Variants in CNTN5 observed in about 807,000 individuals in gnomAD.
CNTN5 encodes contactin 5.
Under a neutral mutation model 129.1 loss-of-function variants are expected in CNTN5, and 77 were observed. That is an observed-to-expected ratio of 0.60 (90% confidence interval 0.50 to 0.72). The LOEUF (loss-of-function observed/expected upper bound fraction) is 0.72, where lower values mean the gene tolerates loss of function less well. Among genes scored for constraint, CNTN5 ranks in the 30% least tolerant of loss-of-function variants. The pLI is 0.00. For synonymous variants in CNTN5, 509 were observed against 465.6 expected, an observed-to-expected ratio of 1.09 and a Z score of -1.20; for missense variants, 1,478 against 1,328.8, an observed-to-expected ratio of 1.11 and a Z score of -1.75.
chr11:99,925,824 G>A (rs1261403871), intron 7 of CNTN5, among the ~76,000 whole-genome samples: 3 of 151,916 alleles, frequency 2.0e-5, no homozygotes, highest in Admixed American at 1.3e-4. Context: ...TAAGATATAA[G>A]TAAACAAATC....
chr11:99,053,256 A>G (rs1315138769), intron 1 of CNTN5, among the ~76,000 whole-genome samples: 1 of 151,956 alleles, frequency 6.6e-6, no homozygotes, highest in Non-Finnish European at 1.5e-5. Context: ...GCCTACTCCT[A>G]AATTCTCCAG....
At chr11:99,164,810 A>C (rs1017745834) in intron 1 of CNTN5, among the ~76,000 whole-genome samples, 1 of 152,154 alleles carries the variant, frequency 6.6e-6, no homozygotes, top group African/African-American at 2.4e-5. Flanking sequence ...TGTGTGTGTG[A>C]AACATGCATA....
chr11:100,114,566 T>C (rs1945775434), intron 13 of CNTN5, among the ~76,000 whole-genome samples: 1 of 152,158 alleles, frequency 6.6e-6, no homozygotes, highest in Admixed American at 6.6e-5. Context: ...TTGTCCATTG[T>C]TTAAAATGCT....
At chr11:99,940,994 G>GA (rs1950422358) in intron 7 of CNTN5, among the ~76,000 whole-genome samples, 1 of 152,074 alleles carries the variant, frequency 6.6e-6, no homozygotes, top group Non-Finnish European at 1.5e-5. Flanking sequence ...GAATCAGTTT[G>GA]AAAAAGGTAG....
chr11:99,769,984 GTTTTATTTTC>G (rs1264643184), intron 3 of CNTN5, among the ~76,000 whole-genome samples: 2 of 151,912 alleles, frequency 1.3e-5, no homozygotes, highest in Non-Finnish European at 1.5e-5. Flanking sequence ...ACATTTTTTT[GTTTTATTTTC>G]TAAAGGAAAT....
chr11:99,234,365 A>G (rs1861161231), intron 1 of CNTN5, among the ~76,000 whole-genome samples: 1 of 152,170 alleles, frequency 6.6e-6, no homozygotes, highest in South Asian at 2.1e-4. Flanking sequence ...GCCAAAATAA[A>G]GGATTCTGTC....
chr11:100,357,503 A>G lies in CNTN5; in HGVS notation c.*1283A>G, dbSNP rs1458483822. 6.6e-6 allele frequency: 1 copy of G among 151,660 alleles called. No individual in the cohort carries two copies. Among genetic ancestry groups the G allele is most frequent in the East Asian group, 1.9e-4 (1 of 5,174 alleles). 9.4% of individuals were successfully genotyped at this position (151,660 alleles called of 1,614,324 possible). ...TGAGATGAAAATTTTCTACTTGATG[A>G]TATCTTAAAGAAGTTCTAACAAGCA... On this transcript the variant is annotated 3_prime_UTR_variant, in exon 25 of 25. Coordinates refer to ENST00000524871, the MANE Select transcript of CNTN5 (RefSeq NM_014361.4).
At chr11:99,543,775 G>A (rs1365922907) in intron 2 of CNTN5, among the ~76,000 whole-genome samples, 2 of 151,994 alleles carry the variant, frequency 1.3e-5, no homozygotes, top group Non-Finnish European at 2.9e-5. Flanking sequence ...AAAATTAGCT[G>A]TGCGTGGTGG....
intron 7 of CNTN5, among the ~76,000 whole-genome samples, chr11:99,929,571 A>G (rs1950143865): frequency 6.6e-6 from 1 of 152,182 alleles, no homozygotes; most frequent in Non-Finnish European, 1.5e-5. Context: ...GGGGAAGGAA[A>G]CATGTCCTTC....
intron 17 of CNTN5, among the ~76,000 whole-genome samples, chr11:100,266,570 T>G (rs1950306660): frequency 6.6e-6 from 1 of 151,716 alleles, no homozygotes; most frequent in Non-Finnish European, 1.5e-5. Context: ...ATACCTTCAA[T>G]TAATACTTAT....
chr11:99,387,804 G>C (rs554682546), intron 2 of CNTN5, among the ~76,000 whole-genome samples: 1 of 152,102 alleles, frequency 6.6e-6, no homozygotes, highest in African/African-American at 2.4e-5. Flanking sequence ...TTCAATCCTT[G>C]GCTTTTACCA....
intron 6 of CNTN5, among the ~76,000 whole-genome samples, chr11:99,866,231 T>A (rs1335547236): frequency 2.0e-5 from 3 of 152,204 alleles, no homozygotes; most frequent in Non-Finnish European, 4.4e-5. Flanking sequence ...CCAAACTTTT[T>A]TCCCCCAGCA....
intron 3 of CNTN5, among the ~76,000 whole-genome samples, chr11:99,674,149 T>C (rs1953169251): frequency 6.6e-6 from 1 of 152,204 alleles, no homozygotes; most frequent in South Asian, 2.1e-4. Context: ...GCATAGCCAT[T>C]CTAACTGATG....
At chr11:99,887,291 A>G (rs1020522676) in intron 6 of CNTN5, among the ~76,000 whole-genome samples, 1 of 152,206 alleles carries the variant, frequency 6.6e-6, no homozygotes, top group African/African-American at 2.4e-5. Flanking sequence ...AGAATAATTC[A>G]TAAAGATTGG....
intron 1 of CNTN5, among the ~76,000 whole-genome samples, chr11:99,097,561 T>A (rs571110794): frequency 6.6e-6 from 1 of 151,948 alleles, no homozygotes; most frequent in African/African-American, 2.4e-5. Flanking sequence ...TTTACAGAGA[T>A]AATAAATTTC....
chr11:99,308,675 T>C (rs1232739989), intron 1 of CNTN5, among the ~76,000 whole-genome samples: 1 of 152,226 alleles, frequency 6.6e-6, no homozygotes, highest in Non-Finnish European at 1.5e-5. Flanking sequence ...CCGTTATTTC[T>C]CCAAATATTG....
chr11:99,766,124 GAT>G (rs1944746460), intron 3 of CNTN5, among the ~76,000 whole-genome samples: 1 of 151,838 alleles, frequency 6.6e-6, no homozygotes, highest in African/African-American at 2.4e-5. Flanking sequence ...TTAGCTATTA[GAT>G]AAACATGTTT....
intron 13 of CNTN5, among the ~76,000 whole-genome samples, chr11:100,134,495 T>A (rs1946466107): frequency 6.6e-6 from 1 of 152,204 alleles, no homozygotes; most frequent in Non-Finnish European, 1.5e-5. Context: ...ATATGGCTAA[T>A]GCCTAATAAA....
chr11:99,796,246 C>T (rs1416057897), intron 3 of CNTN5, among the ~76,000 whole-genome samples: 1 of 152,106 alleles, frequency 6.6e-6, no homozygotes, highest in Non-Finnish European at 1.5e-5. Flanking sequence ...AATCTCTGGG[C>T]ACATTTGCAC....
Sources: allele counts gnomAD v4.1 joint callset (sites outside exome capture counted in the v4.1 genomes callset), GRCh38; gene constraint gnomAD v4.1.1; transcripts MANE v1.5; gene names NCBI Gene and HGNC (gene_info 2026-07-23, HGNC 2026-07-21).